ANKRD31: variants seen among roughly 807,000 people sequenced by gnomAD.
ANKRD31 encodes the protein ankyrin repeat domain 31, also known as ankyrin repeat domain-containing protein 31.
ANKRD31 carries 147 observed loss-of-function variants against 186.0 expected under a neutral mutation model. The ratio of observed to expected loss-of-function variants is 0.79; its 90% confidence interval spans 0.69 to 0.91. The LOEUF is 0.91. ANKRD31 is among the 40% of genes least tolerant of loss of function. The pLI is 0.00. For missense variants in ANKRD31, 1,986 were observed against 2,148.8 expected (o/e 0.92, Z 1.50); for synonymous variants, 673 against 736.4 (o/e 0.91, Z 1.39).
intron 7 of ANKRD31, among the ~76,000 whole-genome samples, chr5:75,194,795 A>G (rs1043166206): frequency 6.6e-6 from 1 of 152,126 alleles, no homozygotes; most frequent in African/African-American, 2.4e-5. Flanking sequence ...TAATCCCATT[A>G]GTATAAAATG....
chr5:75,085,836 G>C (rs1745444889), intron 23 of ANKRD31, among the ~76,000 whole-genome samples: 1 of 152,210 alleles, frequency 6.6e-6, no homozygotes, highest in South Asian at 2.1e-4. Context: ...CTGGCATACT[G>C]TCTAGCACAT....
At chr5:75,214,780 G>A (rs1036344416) in intron 3 of ANKRD31, among the ~76,000 whole-genome samples, 6 of 152,152 alleles carry the variant, frequency 3.9e-5, no homozygotes, top group African/African-American at 1.4e-4. Flanking sequence ...TAGTCCTGAG[G>A]CAGAAGAAGC....
At chr5:75,089,195 A>G (rs1276223495) in intron 23 of ANKRD31, among the ~76,000 whole-genome samples, 1 of 152,132 alleles carries the variant, frequency 6.6e-6, no homozygotes, top group Non-Finnish European at 1.5e-5. Context: ...CCCACCCACA[A>G]ATCACTCGGC....
chr5:75,168,668 A>C (rs1753098534), intron 11 of ANKRD31, among the ~76,000 whole-genome samples: 1 of 152,118 alleles, frequency 6.6e-6, no homozygotes, highest in Non-Finnish European at 1.5e-5. Flanking sequence ...AACACTCTAT[A>C]AGAAGGAAAC....
chr5:75,236,786 A>G lies in ANKRD31; in HGVS notation c.-100T>C, dbSNP rs1199684411. ...GGCCAGGGGAAATTGTGAATTAAAA[A>G]TAAAAATAATATAATCGCAGCAGGA... On this transcript the variant is annotated 5_prime_UTR_variant, in exon 1 of 26. Transcript: ENST00000506364. The G allele has an allele frequency of 1.1e-6, 1 of 941,888 alleles. No homozygotes were observed. The highest frequency in any genetic ancestry group is 1.5e-6 in the Non-Finnish European group (1 of 647,396). 58.3% of individuals were successfully genotyped at this position (941,888 alleles called of 1,614,324 possible).
chr5:75,099,836 G>C (rs888014707), intron 22 of ANKRD31, among the ~76,000 whole-genome samples: 1 of 152,048 alleles, frequency 6.6e-6, no homozygotes, highest in African/African-American at 2.4e-5. Flanking sequence ...AGTCTTGCTA[G>C]CGGTCTATCA....
At chr5:75,122,869 T>C (rs1225231969) in intron 17 of ANKRD31, among the ~76,000 whole-genome samples, 1 of 152,012 alleles carries the variant, frequency 6.6e-6, no homozygotes, top group African/African-American at 2.4e-5. Flanking sequence ...CCCTAAGAAC[T>C]AGAATAAGAC....
chr5:75,075,981 G>A (rs368721555), intron 25 of ANKRD31, among the ~76,000 whole-genome samples: 8 of 151,896 alleles, frequency 5.3e-5, no homozygotes, highest in Non-Finnish European at 7.4e-5. Context: ...CAGTCTTCCC[G>A]GACTTGTTCT....
chr5:75,147,110 C>T lies in ANKRD31; in HGVS notation c.2301G>A (p.Gln767=). 6.5e-7 allele frequency: 1 copy of T among 1,536,348 alleles called. No individual in the cohort carries two copies. The highest frequency in any genetic ancestry group is 8.7e-7 in the Non-Finnish European group (1 of 1,146,326). The change falls in exon 14 of 26, where the codon CAG becomes CAA. Residue 767 remains glutamine (Q), a synonymous_variant. Coordinates refer to ENST00000506364, the MANE Select transcript of ANKRD31 (RefSeq NM_001372053.1). ...RRINRLVTYQ[Q]HIPETHNDLP... ...GGTCATTATGAGTTTCTGGAATATGCTGCTGATAGGTAACCAATCTGTTTA... is the reference window on the plus strand; with the variant it reads ...GGTCATTATGAGTTTCTGGAATATGTTGCTGATAGGTAACCAATCTGTTTA...
intron 22 of ANKRD31, among the ~76,000 whole-genome samples, chr5:75,103,748 A>G (rs538190810): frequency 1.3e-5 from 2 of 152,334 alleles, no homozygotes; most frequent in African/African-American, 4.8e-5. Flanking sequence ...CTAACGCAAG[A>G]ACATAAGACC....
At position 75,105,001 on chromosome 5, in the gene ANKRD31, T is replaced by C. The variant is rs1473205324; in HGVS notation, c.4558A>G (p.Ser1520Gly). 5.9e-6 allele frequency: 9 copies of C among 1,537,034 alleles called. No homozygotes were observed. In the South Asian group the frequency reaches 1.1e-4, roughly 18 times the overall value. ...TGGGGATGCTCTAAATTTTCCAGAC[T>C]AGTGAGCTCTTGGCTGTCTTTTTCA... ...SSEKDSQELTSLENLEHPQSG... is the reference protein window; with the variant it reads ...SSEKDSQELTGLENLEHPQSG... Residue 1520 changes from serine to glycine, a missense_variant, in exon 22 of 26, where the codon AGT becomes GGT. By Grantham distance (56) the Ser-to-Gly change is moderately conservative. Transcript: ENST00000506364.
At position 75,157,793 on chromosome 5, in the gene ANKRD31, C is replaced by T. The variant is rs559124569; in HGVS notation, c.1708-3448G>A. ...ACAAGGTTTTTTGAAAATGCTCTGT[C>T]TGCAGAAACACTGCATCTTAGACTG... On this transcript the variant is annotated intron_variant, in intron 11 of 25. Transcript: ENST00000506364. Among the ~76,000 whole-genome samples, 8 of 152,250 alleles carry T rather than the reference C, an allele frequency of 5.3e-5. No individual in the cohort carries two copies. The South Asian group carries it at 8.3e-4, about 16-fold the overall frequency.
chr5:75,071,790 G>A (rs893818156), intron 25 of ANKRD31, among the ~76,000 whole-genome samples: 3 of 151,996 alleles, frequency 2.0e-5, no homozygotes, highest in Admixed American at 6.6e-5. Flanking sequence ...GAGCCACCGC[G>A]CCCGGCCGAA....
chr5:75,216,908 T>G (rs1397707261), intron 3 of ANKRD31, among the ~76,000 whole-genome samples: 1 of 152,170 alleles, frequency 6.6e-6, no homozygotes, highest in African/African-American at 2.4e-5. Context: ...GCCCCAGAGA[T>G]TCTGGTATGT....
At chr5:75,208,425 C>A (rs992546245) in intron 4 of ANKRD31, among the ~76,000 whole-genome samples, 1 of 152,104 alleles carries the variant, frequency 6.6e-6, no homozygotes, top group Non-Finnish European at 1.5e-5. Flanking sequence ...CCTCACCCCC[C>A]ACCCCATTTC....
intron 15 of ANKRD31, among the ~76,000 whole-genome samples, chr5:75,140,288 AG>A (rs71961024): frequency 1.2e-4 from 5 of 40,760 alleles, no homozygotes; most frequent in Middle Eastern, 0.015. Context: ...AGAGAAAGAA[AG>A]GAAGGAAGGA....
At chr5:75,199,592 TCA>T in intron 6 of ANKRD31, 37 bp downstream of exon 6, 1 of 1,465,210 alleles carries the variant, frequency 6.8e-7, no homozygotes, top group Non-Finnish European at 9.1e-7. Flanking sequence ...AAATCTAAAC[TCA>T]CAGTCTACAT....
At chr5:75,176,610 C>T (rs902105917) in intron 10 of ANKRD31, among the ~76,000 whole-genome samples, 1 of 152,178 alleles carries the variant, frequency 6.6e-6, no homozygotes, top group Admixed American at 6.5e-5. Context: ...GCTGCTGATA[C>T]CCAGACAAGC....
intron 10 of ANKRD31, among the ~76,000 whole-genome samples, chr5:75,179,277 G>T (rs1377710592): frequency 5.3e-5 from 8 of 152,074 alleles, no homozygotes; most frequent in Non-Finnish European, 1.2e-4. Flanking sequence ...AGGACCAGAT[G>T]GATTCACAGC....
Sources: gnomAD v4.1 joint callset for allele counts (sites outside exome capture counted in the v4.1 genomes callset) on GRCh38, gnomAD v4.1.1 for gene constraint, MANE v1.5 for transcripts, NCBI Gene and HGNC (gene_info 2026-07-23, HGNC 2026-07-21) for gene names.